Variants in NYAP2 observed in about 807,000 individuals in gnomAD.
NYAP2 encodes the protein neuronal tyrosine-phosphorylated phosphoinositide-3-kinase adapter 2.
Under a neutral mutation model 50.4 loss-of-function variants are expected in NYAP2, and 23 were observed. That is an observed-to-expected ratio of 0.46 (90% confidence interval 0.33 to 0.65). The LOEUF (loss-of-function observed/expected upper bound fraction) is 0.65. Among genes scored for constraint, NYAP2 ranks in the 30% least tolerant of loss-of-function variants. The pLI, the probability that NYAP2 is intolerant of heterozygous loss-of-function variation, is 0.02. For synonymous variants in NYAP2, 394 were observed against 365.2 expected, an observed-to-expected ratio of 1.08 and a Z score of -0.90; for missense variants, 885 against 861.0, an observed-to-expected ratio of 1.03 and a Z score of -0.35.
chr2:225,557,323 T>C (rs559435056), intron 4 of NYAP2, among the ~76,000 whole-genome samples: 26 of 152,302 alleles, frequency 1.7e-4, no homozygotes, highest in African/African-American at 5.8e-4. Flanking sequence ...GCTTGCCTTC[T>C]ATGTGTCAAG....
intron 3 of NYAP2, among the ~76,000 whole-genome samples, chr2:225,496,395 T>C (rs1020579290): frequency 6.6e-6 from 1 of 152,162 alleles, no homozygotes; most frequent in Non-Finnish European, 1.5e-5. Flanking sequence ...TCTCATGCAT[T>C]CCCAAATTAG....
chr2:225,475,208 T>C (rs983744504), intron 3 of NYAP2, among the ~76,000 whole-genome samples: 12 of 152,224 alleles, frequency 7.9e-5, no homozygotes, highest in Non-Finnish European at 1.5e-4. Flanking sequence ...GAATGTCAAC[T>C]TATCCAAACT....
At chr2:225,605,099 G>C (rs1692763005) in intron 5 of NYAP2, among the ~76,000 whole-genome samples, 1 of 152,072 alleles carries the variant, frequency 6.6e-6, no homozygotes, top group African/African-American at 2.4e-5. Context: ...TGTATTTTCA[G>C]AATTATATCT....
At chr2:225,485,026 C>T (rs1329077471) in intron 3 of NYAP2, among the ~76,000 whole-genome samples, 1 of 152,216 alleles carries the variant, frequency 6.6e-6, no homozygotes, top group African/African-American at 2.4e-5. Flanking sequence ...AATATGCTTA[C>T]AGCAGTTGGT....
At chr2:225,511,670 T>G (rs1690820869) in intron 3 of NYAP2, among the ~76,000 whole-genome samples, 1 of 152,230 alleles carries the variant, frequency 6.6e-6, no homozygotes, top group Non-Finnish European at 1.5e-5. Flanking sequence ...TCTAATGTTC[T>G]TGTTAAATTC....
downstream of NYAP2, among the ~76,000 whole-genome samples, chr2:225,655,937 T>TACACACACACACACACACACACACACAC (rs1307721608): frequency 1.2e-5 from 1 of 81,388 alleles, no homozygotes; most frequent in African/African-American, 4.5e-5. Context: ...CATACACACA[T>TACACACACACACACACACACACACACAC]ACACACACAC....
chr2:225,517,866 CA>C (rs1240249018), intron 4 of NYAP2, among the ~76,000 whole-genome samples: 2 of 152,120 alleles, frequency 1.3e-5, no homozygotes, highest in Non-Finnish European at 2.9e-5. Context: ...GGGGAAAAGA[CA>C]GCCCTTATAC....
At chr2:225,671,470 C>G in the NYAP2 span, among the ~76,000 whole-genome samples, 1 of 152,134 alleles carries the variant, frequency 6.6e-6, no homozygotes. Context: ...AGCTCCCTTT[C>G]TAATTCTAGT....
chr2:225,536,844 T>A (rs1184246419), intron 4 of NYAP2, among the ~76,000 whole-genome samples: 1 of 151,744 alleles, frequency 6.6e-6, no homozygotes, highest in East Asian at 1.9e-4. Context: ...AGTGGTGTGA[T>A]CTCGTCTCAC....
chr2:225,543,815 C>G (rs1691519497), intron 4 of NYAP2, among the ~76,000 whole-genome samples: 1 of 151,944 alleles, frequency 6.6e-6, no homozygotes, highest in Non-Finnish European at 1.5e-5. Context: ...TGTTTGTTGA[C>G]TTTCCGTCTG....
intron 6 of NYAP2, among the ~76,000 whole-genome samples, chr2:225,632,252 C>T (rs1693332981): frequency 1.3e-5 from 2 of 152,100 alleles, no homozygotes; most frequent in African/African-American, 2.4e-5. Context: ...AACTGTTTCT[C>T]CTCCTTCTCT....
the NYAP2 span, among the ~76,000 whole-genome samples, chr2:225,675,772 G>A: frequency 1.3e-5 from 2 of 152,082 alleles, no homozygotes; most frequent in Admixed American, 1.3e-4. Context: ...CCATGTATAA[G>A]CATTCTCTTT....
chr2:225,487,462 C>T (rs1008375407), intron 3 of NYAP2, among the ~76,000 whole-genome samples: 2 of 152,032 alleles, frequency 1.3e-5, no homozygotes, highest in African/African-American at 2.4e-5. Context: ...TGGGTTTAAG[C>T]GATTCTCCTG....
At chr2:225,522,068 G>A (rs961698023) in intron 4 of NYAP2, among the ~76,000 whole-genome samples, 2 of 152,150 alleles carry the variant, frequency 1.3e-5, no homozygotes. Context: ...GCATAGAGGT[G>A]TTTGTAGTAT....
At chr2:225,495,609 C>A (rs189205372) in intron 3 of NYAP2, among the ~76,000 whole-genome samples, 1 of 152,120 alleles carries the variant, frequency 6.6e-6, no homozygotes, top group Admixed American at 6.5e-5. Flanking sequence ...CTAGGACAGA[C>A]AGGTCTTCAG....
At chr2:225,698,696 A>G in the NYAP2 span, 1 of 152,016 alleles carries the variant, frequency 6.6e-6, no homozygotes, top group African/African-American at 2.4e-5. Context: ...GATAAAATGC[A>G]TATGTCCTTG....
In NYAP2 at chr2:225,624,289, G is replaced by C. The variant is rs922717892; in HGVS notation, c.1619-2628G>C. 4.6e-5 allele frequency among the ~76,000 whole-genome samples: 7 copies of C among 152,108 alleles called. No homozygotes were observed. In the South Asian group the frequency reaches 1.4e-3, roughly 31 times the overall value. On this transcript the variant is annotated intron_variant, in intron 5 of 6. Coordinates refer to ENST00000636099, the Ensembl canonical transcript of NYAP2. ...TTCGTTTATCAACAACAATGAAAAG[G>C]CTTCAAGTGTACCTTGATTGGGGAC...
intron 5 of NYAP2, among the ~76,000 whole-genome samples, chr2:225,607,617 T>C (rs1471300939): frequency 9.2e-5 from 14 of 152,160 alleles, no homozygotes. Flanking sequence ...ACCCAGGTTA[T>C]AAAGATTTTA....
intron 3 of NYAP2, among the ~76,000 whole-genome samples, chr2:225,457,044 CG>C (rs1308903125): frequency 6.6e-6 from 1 of 152,118 alleles, no homozygotes; most frequent in Non-Finnish European, 1.5e-5. Flanking sequence ...CTTAAAATGG[CG>C]GTATTTGTCC....
Sources: allele counts gnomAD v4.1 joint callset (sites outside exome capture counted in the v4.1 genomes callset), GRCh38; gene constraint gnomAD v4.1.1; transcripts MANE v1.5; gene names NCBI Gene and HGNC (gene_info 2026-07-23, HGNC 2026-07-21).